ATG13: variants seen among roughly 807,000 people sequenced by gnomAD.
ATG13 encodes the protein autophagy related 13.
ATG13 carries 23 observed loss-of-function variants against 65.5 expected under a neutral mutation model. The ratio of observed to expected loss-of-function variants is 0.35; its 90% CI spans 0.25 to 0.50. The LOEUF (loss-of-function observed/expected upper bound fraction) is 0.50, where lower values mean the gene tolerates loss of function less well. Among genes scored for constraint, ATG13 ranks in the 20% least tolerant of loss-of-function variants. ATG13 has a pLI of 0.98. For synonymous variants in ATG13, 252 were observed against 245.2 expected, an observed-to-expected ratio of 1.03 and a Z score of -0.26; for missense variants, 566 against 677.0, an observed-to-expected ratio of 0.84 and a Z score of 1.82.
chr11:46,627,550 G>C (rs1490363801), intron 1 of ATG13, among the ~76,000 whole-genome samples: 1 of 151,474 alleles, frequency 6.6e-6, no homozygotes, highest in African/African-American at 2.4e-5. Context: ...AGCTCACTGC[G>C]ACCTTCGCCT....
intron 2 of ATG13, among the ~76,000 whole-genome samples, chr11:46,631,225 T>G (rs1054105090): frequency 6.6e-6 from 1 of 152,196 alleles, no homozygotes; most frequent in African/African-American, 2.4e-5. Flanking sequence ...AGGGTCTCAC[T>G]CTGTTACTTA....
chr11:46,617,850 A>C lies in ATG13; in HGVS notation c.-110A>C. The C allele has an allele frequency of 2.5e-6, 1 of 399,150 alleles. No individual in the cohort carries two copies. The allele number at this position is 399,150 out of a possible 1,614,324, so 24.7% of individuals were successfully genotyped here. ...GTCGGTCCCAGGTCCCGGCCTCCGT[A>C]ATGAGAGCCCGGAACCACTCTTTGT... is the stretch of plus-strand genomic sequence containing the variant. On this transcript the variant is annotated 5_prime_UTR_variant, in exon 1 of 19. Transcript: ENST00000683050.
chr11:46,630,568 CT>C (rs35243801), intron 2 of ATG13, among the ~76,000 whole-genome samples: 212 of 120,672 alleles, frequency 1.8e-3, no homozygotes, highest in Middle Eastern at 4.6e-3. Context: ...AAATTAGAGG[CT>C]TTTTTTTTTT....
intron 7 of ATG13, among the ~76,000 whole-genome samples, chr11:46,655,077 C>T (rs1329079997): frequency 1.3e-5 from 2 of 151,460 alleles, no homozygotes; most frequent in South Asian, 2.1e-4. Flanking sequence ...CCAGCCTGAG[C>T]GACAGAGCGA....
chr11:46,649,646 A>C (rs1161211307), intron 6 of ATG13, among the ~76,000 whole-genome samples: 1 of 152,228 alleles, frequency 6.6e-6, no homozygotes, highest in Non-Finnish European at 1.5e-5. Flanking sequence ...AGATTAGCTT[A>C]TCTCTTGCCT....
At chr11:46,641,279 C>A (rs183891354) in intron 2 of ATG13, among the ~76,000 whole-genome samples, 524 of 152,260 alleles carry the variant, frequency 3.4e-3, no homozygotes, top group African/African-American at 0.011. Flanking sequence ...ACCATCTTGG[C>A]CAGGCTGGTC....
rs2060240854 is a variant in ATG13 at position 46,657,321 on chromosome 11, G to C, written c.596+130G>C. 3.1e-6 allele frequency: 3 copies of C among 979,972 alleles called. No individual in the cohort carries two copies. The East Asian group carries it at 7.7e-5, about 25-fold the overall frequency. 60.7% of individuals were successfully genotyped at this position (979,972 alleles called of 1,614,324 possible). A position where few individuals can be genotyped will look rare whatever the true frequency, so the allele number is the denominator to read the frequency against. On this transcript the variant is annotated intron_variant, in intron 9 of 18. Coordinates refer to ENST00000683050, the MANE Select transcript of ATG13 (RefSeq NM_001346311.2). ...GTACCTTCAGAAGAATAAAGAGAGA[G>C]TGCAGTTGCCAGATTGGAGAATTTG...
chr11:46,665,355 C>G (rs767999671), intron 13 of ATG13, 28 bp from the exon 14 acceptor site: 5 of 1,608,036 alleles, frequency 3.1e-6, no homozygotes, highest in Non-Finnish European at 2.6e-6. Context: ...TGCCATGATT[C>G]ACTGTCTCTT....
intron 7 of ATG13, among the ~76,000 whole-genome samples, chr11:46,650,751 A>G (rs942967909): frequency 2.0e-5 from 3 of 152,004 alleles, no homozygotes; most frequent in Non-Finnish European, 4.4e-5. Flanking sequence ...GACTACAGGC[A>G]CCCGCCACCA....
chr11:46,664,983 T>C (rs758420928), intron 13 of ATG13, 24 bp downstream of exon 13: 1 of 1,600,772 alleles, frequency 6.2e-7, no homozygotes, highest in African/African-American at 1.3e-5. Context: ...TGGGGAGGAC[T>C]ATGGGTTTCC....
At chr11:46,619,478 G>A (rs1327530189) in intron 1 of ATG13, among the ~76,000 whole-genome samples, 1 of 141,334 alleles carries the variant, frequency 7.1e-6, no homozygotes, top group African/African-American at 2.6e-5. Context: ...TCTGCCTCCC[G>A]GGTTCAAGCG....
At chr11:46,628,152 C>G (rs1591510609) in intron 1 of ATG13, among the ~76,000 whole-genome samples, 1 of 151,596 alleles carries the variant, frequency 6.6e-6, no homozygotes, top group East Asian at 1.9e-4. Context: ...GCCTGTAATC[C>G]CAGCATTTGG....
At chr11:46,645,506 CCATT>C in intron 4 of ATG13, 87 bp downstream of exon 4, 7 of 1,088,692 alleles carry the variant, frequency 6.4e-6, no homozygotes, top group Non-Finnish European at 9.4e-6. Context: ...ATAAGTAATA[CCATT>C]TATAGTATTA....
chr11:46,619,751 C>T (rs1268395706), intron 1 of ATG13, among the ~76,000 whole-genome samples: 3 of 151,048 alleles, frequency 2.0e-5, no homozygotes, highest in African/African-American at 2.4e-5. Context: ...CTGAAGGGGC[C>T]GGGCAGGGTG....
chr11:46,626,132 T>G (rs1196739330), intron 1 of ATG13, among the ~76,000 whole-genome samples: 1 of 152,060 alleles, frequency 6.6e-6, no homozygotes, highest in Non-Finnish European at 1.5e-5. Context: ...ATTTTTTGTG[T>G]TTTTAGTAGA....
chr11:46,640,996 T>C (rs1002736894), intron 2 of ATG13, among the ~76,000 whole-genome samples: 10 of 152,332 alleles, frequency 6.6e-5, no homozygotes, highest in African/African-American at 2.4e-4. Context: ...GCAGTGAATG[T>C]TTACATCCAC....
chr11:46,652,942 G>GT (rs1370625977), intron 7 of ATG13, among the ~76,000 whole-genome samples: 2 of 151,890 alleles, frequency 1.3e-5, no homozygotes, highest in South Asian at 2.1e-4. Context: ...TATAAAAAAA[G>GT]TTTTTTTAGG....
chr11:46,632,366 C>T (rs1024692556), intron 2 of ATG13: 1 of 152,148 alleles, frequency 6.6e-6, no homozygotes, highest in Non-Finnish European at 1.5e-5. Context: ...CTCACATGAA[C>T]TTACATATTC....
chr11:46,618,088 C>T (rs1227035025), intron 1 of ATG13, among the ~76,000 whole-genome samples, 198 bp downstream of exon 1: 2 of 152,062 alleles, frequency 1.3e-5, no homozygotes, highest in African/African-American at 2.4e-5. Context: ...GCAGAGAATC[C>T]CCTCCACCCC....
Sources: gnomAD v4.1 joint callset for allele counts (sites outside exome capture counted in the v4.1 genomes callset) on GRCh38, gnomAD v4.1.1 for gene constraint, MANE v1.5 for transcripts, NCBI Gene and HGNC (gene_info 2026-07-23, HGNC 2026-07-21) for gene names.